The following SULT4A1 variants were observed in gnomAD, a reference collection of about 807,000 sequenced individuals.
The protein encoded by SULT4A1 is sulfotransferase 4A1.
A neutral mutation model predicts 35.2 loss-of-function variants in SULT4A1; 11 were observed. That is an observed-to-expected ratio of 0.31 (90% CI 0.20 to 0.52). The LOEUF (loss-of-function observed/expected upper bound fraction) is 0.52, where lower values mean the gene tolerates loss of function less well. Among genes scored for constraint, SULT4A1 ranks in the 20% least tolerant of loss-of-function variants. The probability of loss-of-function intolerance (pLI) is 0.97; values close to 1 mark genes in which losing one functional copy is unlikely to be tolerated. For missense variants in SULT4A1, 271 were observed against 383.7 expected, an observed-to-expected ratio of 0.71 and a Z score of 2.45; for synonymous variants, 152 against 151.8, an observed-to-expected ratio of 1.00 and a Z score of -0.01.
intron 6 of SULT4A1, chr22:43,827,781 A>ACACACG: frequency 4.7e-6 from 2 of 427,372 alleles, no homozygotes; most frequent in African/African-American, 2.1e-5. Context: ...ACACACACAC[A>ACACACG]CGTGAACCAA....
chr22:43,848,462 A>G (rs950477498), intron 1 of SULT4A1, among the ~76,000 whole-genome samples: 1 of 152,218 alleles, frequency 6.6e-6, no homozygotes, highest in African/African-American at 2.4e-5. Flanking sequence ...ACACACCTGG[A>G]GCAGGCAAAG....
chr22:43,854,811 G>C (rs1483219626), intron 1 of SULT4A1, among the ~76,000 whole-genome samples: 2 of 152,150 alleles, frequency 1.3e-5, no homozygotes, highest in Non-Finnish European at 2.9e-5. Context: ...CCCTTTCCTG[G>C]CTTCTTCCCC....
chr22:43,828,149 T>C (rs2063300996), intron 6 of SULT4A1, among the ~76,000 whole-genome samples: 1 of 152,192 alleles, frequency 6.6e-6, no homozygotes, highest in Non-Finnish European at 1.5e-5. Flanking sequence ...TCCCACTCCA[T>C]CTTGTGGGGC....
At chr22:43,827,948 G>T in intron 6 of SULT4A1, among the ~76,000 whole-genome samples, 1 of 152,316 alleles carries the variant, frequency 6.6e-6, no homozygotes, top group East Asian at 1.9e-4. Flanking sequence ...TCCTCCTGAG[G>T]AGTCCACTGC....
chr22:43,826,728 T>C, intron 6 of SULT4A1: 2 of 985,422 alleles, frequency 2.0e-6, no homozygotes, highest in Non-Finnish European at 2.4e-6. Flanking sequence ...TGGCAAACCC[T>C]GGGGAGGAAT....
At chr22:43,860,883 C>T (rs551108897) in intron 1 of SULT4A1, among the ~76,000 whole-genome samples, 11 of 152,194 alleles carry the variant, frequency 7.2e-5, no homozygotes, top group African/African-American at 2.6e-4. Context: ...GGCCGTGGAC[C>T]GGGAGACCTA....
chr22:43,837,453 G>A (rs1381463412), intron 4 of SULT4A1, among the ~76,000 whole-genome samples: 2 of 152,226 alleles, frequency 1.3e-5, no homozygotes, highest in Non-Finnish European at 2.9e-5. Context: ...AGCTTCAGAA[G>A]TCCATGAGTG....
intron 6 of SULT4A1, 133 bp from the exon 7 acceptor site, chr22:43,826,246 C>T: frequency 6.8e-7 from 1 of 1,472,008 alleles, no homozygotes; most frequent in South Asian, 1.4e-5. Flanking sequence ...CCTATGGGGG[C>T]AGGAAGGGCC....
chr22:43,826,407 A>G, intron 6 of SULT4A1: 1 of 985,382 alleles, frequency 1.0e-6, no homozygotes, highest in Non-Finnish European at 1.2e-6. Context: ...GGGGCCCACC[A>G]GGGAGACTCT....
At chr22:43,855,759 C>T (rs982238373) in intron 1 of SULT4A1, among the ~76,000 whole-genome samples, 1 of 151,826 alleles carries the variant, frequency 6.6e-6, no homozygotes, top group African/African-American at 2.4e-5. Flanking sequence ...ACCACTAGGG[C>T]CACTTCCCCC....
chr22:43,849,186 C>G (rs551608519), intron 1 of SULT4A1, among the ~76,000 whole-genome samples: 2 of 152,288 alleles, frequency 1.3e-5, no homozygotes, highest in South Asian at 2.1e-4. Context: ...CAGAAAGCAT[C>G]AGAACTGATC....
At chr22:43,843,905 C>T (rs1221487384) in intron 1 of SULT4A1, among the ~76,000 whole-genome samples, 1 of 152,212 alleles carries the variant, frequency 6.6e-6, no homozygotes, top group Non-Finnish European at 1.5e-5. Flanking sequence ...GTGGGTGAGA[C>T]ACACAGGCAA....
At chr22:43,832,487 G>A (rs2285159) in intron 5 of SULT4A1, among the ~76,000 whole-genome samples, 35,165 of 152,118 alleles carry the variant, frequency 0.23, 4,921 homozygotes, top group East Asian at 0.48. Context: ...GACCTGGCCC[G>A]TGCTGACCAC....
At chr22:43,842,413 G>C (rs565644195) in intron 1 of SULT4A1, among the ~76,000 whole-genome samples, 7 of 152,198 alleles carry the variant, frequency 4.6e-5, no homozygotes, top group Non-Finnish European at 1.0e-4. Context: ...GCCAGTGCTT[G>C]TCCACCAGTA....
At chr22:43,862,123 A>G (rs189562377) in intron 1 of SULT4A1, 91 bp downstream of exon 1, 219,167 of 962,840 alleles carry the variant, frequency 0.23, 23,609 homozygotes, top group African/African-American at 0.34. Context: ...CACCCGGCCC[A>G]GCAGAAGCCC....
intron 1 of SULT4A1, among the ~76,000 whole-genome samples, chr22:43,857,425 G>C (rs978312077): frequency 9.1e-5 from 13 of 142,896 alleles, no homozygotes; most frequent in African/African-American, 2.6e-4. Context: ...ACAGAAAACA[G>C]AATACAACAT....
intron 1 of SULT4A1, 79 bp downstream of exon 1, chr22:43,862,135 G>C (rs1378964689): frequency 9.5e-7 from 1 of 1,057,442 alleles, no homozygotes; most frequent in African/African-American, 1.7e-5. Context: ...CAGAAGCCCC[G>C]GGCGCGGGCG....
At chr22:43,842,610 A>C (rs1463082518) in intron 1 of SULT4A1, among the ~76,000 whole-genome samples, 7 of 152,186 alleles carry the variant, frequency 4.6e-5, no homozygotes, top group Non-Finnish European at 1.0e-4. Context: ...CTGCAGACAC[A>C]GCATGGCCAA....
intron 1 of SULT4A1, among the ~76,000 whole-genome samples, chr22:43,859,468 T>C (rs923349247): frequency 2.6e-5 from 4 of 152,244 alleles, no homozygotes; most frequent in Non-Finnish European, 5.9e-5. Flanking sequence ...CTCCATGACT[T>C]TGGGGCTGTG....
Sources: allele counts gnomAD v4.1 joint callset (sites outside exome capture counted in the v4.1 genomes callset), GRCh38; gene constraint gnomAD v4.1.1; transcripts MANE v1.5; gene names NCBI Gene and HGNC (gene_info 2026-07-23, HGNC 2026-07-21).